CCDC102A: variants seen among roughly 807,000 people sequenced by gnomAD.
The protein encoded by CCDC102A is coiled-coil domain-containing protein 102A.
CCDC102A carries 40 observed loss-of-function variants against 55.5 expected under a neutral mutation model. That is an observed-to-expected ratio of 0.72 (90% CI 0.56 to 0.94). The LOEUF is 0.94. CCDC102A is among the 40% of genes least tolerant of loss of function. The pLI, the probability that CCDC102A is intolerant of heterozygous loss-of-function variation, is 0.00. For synonymous variants in CCDC102A, 323 were observed against 339.0 expected, an observed-to-expected ratio of 0.95 and a Z score of 0.52; for missense variants, 779 against 768.6, an observed-to-expected ratio of 1.01 and a Z score of -0.16.
At chr16:57,520,024 C>A (rs2032019172) in intron 4 of CCDC102A, among the ~76,000 whole-genome samples, 1 of 152,208 alleles carries the variant, frequency 6.6e-6, no homozygotes, top group South Asian at 2.1e-4. Flanking sequence ...GGTGGATTCC[C>A]TTCTCTGGAG....
In CCDC102A at chr16:57,528,748, G is replaced by C. The variant is rs1404619355; in HGVS notation, c.430C>G (p.Gln144Glu). The change falls in exon 2 of 9, where the codon CAA (glutamine) becomes GAA (glutamate). Residue 144 changes from glutamine to glutamate, a missense_variant. By Grantham distance (29) the Gln-to-Glu change is conservative (BLOSUM62 2). Transcript: ENST00000258214. Reference sequence around the variant, plus strand: ...GCCTCGCACTCGCCCTGCGCCTCTTGGCGCTCGCGCCGTGCGCCCGCCAGC... The same window carrying C: ...GCCTCGCACTCGCCCTGCGCCTCTTCGCGCTCGCGCCGTGCGCCCGCCAGC... ...KELAGARRER[Q>E]EAQGECEARG... 2 of 1,175,542 alleles carry C rather than the reference G, an allele frequency of 1.7e-6. No individual in the cohort carries two copies. The highest frequency in any genetic ancestry group is 2.1e-6 in the Non-Finnish European group (2 of 943,758). 72.8% of individuals were successfully genotyped at this position (1,175,542 alleles called of 1,614,324 possible). A position where few individuals can be genotyped will look rare whatever the true frequency, so the allele number is the denominator to read the frequency against.
chr16:57,512,518 G>GCGCGCA lies in CCDC102A; in HGVS notation c.*222_*223insTGCGCG, dbSNP rs1555518803. On this transcript the variant is annotated 3_prime_UTR_variant, in exon 9 of 9. Transcript: ENST00000258214. ...GGTCCAAAGACTTCTGGGTGTGCGC[G>GCGCGCA]CGCGCGCGCGCGTGTGTGTATATAT... The GCGCGCA allele has an allele frequency of 1.0e-4, 47 of 459,862 alleles. No homozygotes were observed. The African/African-American group carries it at 1.0e-3, about 10-fold the overall frequency. 28.5% of individuals were successfully genotyped at this position (459,862 alleles called of 1,614,324 possible). A position where few individuals can be genotyped will look rare whatever the true frequency, so the allele number is the denominator to read the frequency against.
rs532077849 is a variant in CCDC102A at position 57,522,758 on chromosome 16, G to A, written c.813-1582C>T. Reference sequence around the variant, plus strand: ...GACTCGGAGCACATGCTATGTCTTTGCTGTTATAACTATCGTCACTATCAT... The same window carrying A: ...GACTCGGAGCACATGCTATGTCTTTACTGTTATAACTATCGTCACTATCAT... On this transcript the variant is annotated intron_variant, in intron 3 of 8. Transcript: ENST00000258214. Among the ~76,000 whole-genome samples, 3 of 152,328 alleles carry A rather than the reference G, an allele frequency of 2.0e-5. No individual in the cohort carries two copies. In the South Asian group the frequency reaches 6.2e-4, roughly 32 times the overall value.
chr16:57,528,173 T>C (rs1210504963), intron 2 of CCDC102A, among the ~76,000 whole-genome samples: 2 of 152,208 alleles, frequency 1.3e-5, no homozygotes, highest in Admixed American at 6.5e-5. Flanking sequence ...TCAGCTTAAA[T>C]GTGACCTCTT....
chr16:57,524,097 G>T (rs1241065598), intron 3 of CCDC102A, among the ~76,000 whole-genome samples: 1 of 152,050 alleles, frequency 6.6e-6, no homozygotes, highest in Non-Finnish European at 1.5e-5. Context: ...CCCTCTCTTC[G>T]GGTCACTGGA....
In CCDC102A at chr16:57,516,799, G is replaced by A. The variant is rs868432494; in HGVS notation, c.1249-336C>T. Among the ~76,000 whole-genome samples, 12 of 152,098 alleles carry A rather than the reference G, an allele frequency of 7.9e-5. No homozygotes were observed. The highest frequency in any genetic ancestry group is 2.7e-4 in the African/African-American group (11 of 41,394). ...GATGAGGTCTGGAGTCTTCAGGGGC[G>A]TATGGCATTGAAAGAGCTGGGTTGG... is the stretch of plus-strand genomic sequence containing the variant. On this transcript the variant is annotated intron_variant, in intron 6 of 8. Coordinates refer to ENST00000258214, the MANE Select transcript of CCDC102A (RefSeq NM_033212.4). The surrounding 1 kb of genome is among the most constrained non-coding windows in gnomAD (Gnocchi z 4.4).
Position 57,526,093 on chromosome 16 carries a change from A to G in CCDC102A, c.620T>C (p.Met207Thr). 6.4e-7 allele frequency: 1 copy of G among 1,570,470 alleles called. No homozygotes were observed. The highest frequency in any genetic ancestry group is 8.6e-7 in the Non-Finnish European group (1 of 1,164,074). ...CCAGCAGTCCTCAGACTCCTCTGGC[A>G]TGCTCTTCAGCAGGCTCTCCACCAG... ...LELVESLLKS[M>T]PEESEDCWEA... The change falls in exon 3 of 9, where the codon ATG becomes ACG. Residue 207 changes from methionine to threonine, a missense_variant. Physicochemically the swap from Met to Thr is moderately conservative, Grantham distance 81. Coordinates refer to ENST00000258214, the MANE Select transcript of CCDC102A (RefSeq NM_033212.4).
At chr16:57,535,251 G>A (rs1449050736) in intron 1 of CCDC102A, among the ~76,000 whole-genome samples, 1 of 152,204 alleles carries the variant, frequency 6.6e-6, no homozygotes, top group African/African-American at 2.4e-5. Context: ...GCTGGCTGGC[G>A]GGAAAGGAAG....
rs146791662 is a variant in CCDC102A, at chr16:57,528,629, C to T, written c.549G>A (p.Val183=). The change falls in exon 2 of 9, where the codon GTG becomes GTA. Residue 183 remains valine, a synonymous_variant. Transcript: ENST00000258214. ...GCGGCCTCTCGGACCCGACGTCACG[C>T]ACTGGCTCGCGCTCCGCTTCCGGCT... is the stretch of plus-strand genomic sequence containing the variant. ...GPEPEAEREP[V]RDVGSERPPG... 10,546 of 1,258,360 alleles carry T rather than the reference C, an allele frequency of 8.4e-3. 54 individuals are homozygous for T. The highest frequency in any genetic ancestry group is 9.8e-3 in the Non-Finnish European group (9,702 of 994,636). The allele number at this position is 1,258,360 out of a possible 1,614,324, so 77.9% of individuals were successfully genotyped here.
At chr16:57,519,589 A>T (rs1305135077) in intron 4 of CCDC102A, among the ~76,000 whole-genome samples, 1 of 152,260 alleles carries the variant, frequency 6.6e-6, no homozygotes, top group Non-Finnish European at 1.5e-5. Flanking sequence ...TAACACACGG[A>T]TGAGTTTTCA....
rs535033742 is a variant in CCDC102A at position 57,532,952 on chromosome 16, G to A, written c.-148+3548C>T. On this transcript the variant is annotated intron_variant, in intron 1 of 8. Transcript: ENST00000258214. ...TGAACTAGGAGCCTGGCAGGGAGGG[G>A]GCCACTGCCACATCCTCCCTGCCTC... 9.9e-3 allele frequency among the ~76,000 whole-genome samples: 1,511 copies of A among 152,294 alleles called. 6 individuals carry two copies. The highest frequency in any genetic ancestry group is 0.016 in the Non-Finnish European group (1,078 of 67,992).
chr16:57,521,438 C>T (rs1256689812), intron 3 of CCDC102A, among the ~76,000 whole-genome samples: 3 of 152,160 alleles, frequency 2.0e-5, no homozygotes, highest in African/African-American at 4.8e-5. Context: ...TGAGCATCCC[C>T]GGGCAAGTAC....
chr16:57,533,620 A>G (rs57664616), intron 1 of CCDC102A, among the ~76,000 whole-genome samples: 7,005 of 151,108 alleles, frequency 0.046, 501 homozygotes, highest in African/African-American at 0.15. Context: ...ACCCGCACTC[A>G]CACACAGCCC....
intron 3 of CCDC102A, 45 bp downstream of exon 3, chr16:57,525,856 A>G (rs1218644162): frequency 1.3e-6 from 2 of 1,559,950 alleles, no homozygotes; most frequent in African/African-American, 1.4e-5. Context: ...GCGTTGTAGC[A>G]CGGCCTGGCC....
chr16:57,515,331 C>T lies in CCDC102A; in HGVS notation c.1523+10G>A, dbSNP rs746646294. ...CTCTGCCCTGTTTCTGTTCCCTGCC[C>T]GGGGCCCACCTGGACTGCAGGTGCT... On this transcript the variant is annotated intron_variant, in intron 8 of 8. Transcript: ENST00000258214. The T allele has an allele frequency of 2.1e-5, 33 of 1,545,396 alleles. No homozygotes were observed. The African/African-American group carries it at 2.6e-4, about 12-fold the overall frequency.
chr16:57,512,584 G>T lies in CCDC102A; in HGVS notation c.*157C>A. On this transcript the variant is annotated 3_prime_UTR_variant, in exon 9 of 9. Transcript: ENST00000258214. ...GCTTCCTTTCCACAGGGCGTTGGTA[G>T]GTGGGACTGTTGACGCCATCCCTGG... 2 of 832,616 alleles carry T rather than the reference G, an allele frequency of 2.4e-6. No individual in the cohort carries two copies. The highest frequency in any genetic ancestry group is 1.8e-5 in the South Asian group (1 of 55,080). 51.6% of individuals were successfully genotyped at this position (832,616 alleles called of 1,614,324 possible). A position where few individuals can be genotyped will look rare whatever the true frequency, so the allele number is the denominator to read the frequency against.
At position 57,521,738 on chromosome 16, in the gene CCDC102A, T is replaced by A. The variant is rs191480407; in HGVS notation, c.813-562A>T. On this transcript the variant is annotated intron_variant, in intron 3 of 8. Transcript: ENST00000258214. ...TCCTCCCATAACCCCCACCCTGCCT[T>A]GATCTTGAATAAGGCACTGTAGGTA... is the stretch of plus-strand genomic sequence containing the variant. Among the ~76,000 whole-genome samples the A allele has an allele frequency of 3.9e-5, 6 of 152,268 alleles. No individual in the cohort carries two copies. In the East Asian group the frequency reaches 1.2e-3, roughly 29 times the overall value.
rs2031948360 is a variant in CCDC102A at position 57,516,013 on chromosome 16, C to T, written c.1419+280G>A. 6.6e-6 allele frequency among the ~76,000 whole-genome samples: 1 copy of T among 152,162 alleles called. No individual in the cohort carries two copies. Among genetic ancestry groups the T allele is most frequent in the Non-Finnish European group, 1.5e-5 (1 of 68,038 alleles). ...ACCCATCCATCTGCCCGCCCTGCCT[C>T]TCTCTCCCATTCATCCATCCATTCA... On this transcript the variant is annotated intron_variant, in intron 7 of 8. Coordinates refer to ENST00000258214, the MANE Select transcript of CCDC102A (RefSeq NM_033212.4). The surrounding 1 kb of genome is among the most constrained non-coding windows in gnomAD (Gnocchi z 4.4).
In CCDC102A at chr16:57,520,968, G is replaced by C. The variant is rs550718603; in HGVS notation, c.921+100C>G. ...AAAAAAAAAAAAAGAACAACTGTTG[G>C]ATGAATTAATGAATGAATTCTCTCT... On this transcript the variant is annotated intron_variant, in intron 4 of 8. Coordinates refer to ENST00000258214, the MANE Select transcript of CCDC102A (RefSeq NM_033212.4). The C allele has an allele frequency of 7.7e-6, 6 of 777,094 alleles. No homozygotes were observed. The East Asian group carries it at 1.2e-4, about 16-fold the overall frequency. 48.1% of individuals were successfully genotyped at this position (777,094 alleles called of 1,614,324 possible).
Sources: allele counts gnomAD v4.1 joint callset (sites outside exome capture counted in the v4.1 genomes callset), GRCh38; gene constraint gnomAD v4.1.1; non-coding constraint Gnocchi (gnomAD v3.1); transcripts MANE v1.5; gene names NCBI Gene and HGNC (gene_info 2026-07-23, HGNC 2026-07-21).